The following NSD2 variants were observed in gnomAD, a reference collection of about 807,000 sequenced individuals.
NSD2 encodes the protein nuclear receptor binding SET domain protein 2.
In NSD2, 12 loss-of-function variants were observed where a neutral mutation model predicts 139.0. The ratio of observed to expected loss-of-function variants is 0.09; its 90% CI spans 0.06 to 0.14. The LOEUF (loss-of-function observed/expected upper bound fraction) is 0.14, where lower values mean the gene tolerates loss of function less well. NSD2 is among the 10% of genes least tolerant of loss of function. The pLI is 1.00. For synonymous variants in NSD2, 669 were observed against 648.7 expected (o/e 1.03, Z -0.48); for missense variants, 1,155 against 1,745.0 (o/e 0.66, Z 6.02).
At chr4:1,938,576 A>C in intron 8 of NSD2, 44 bp downstream of exon 8, 51 of 596,120 alleles carry the variant, frequency 8.6e-5, no homozygotes, top group Middle Eastern at 5.4e-4. Context: ...CTGGGTGCCC[A>C]GGCTGGGCTG....
intron 18 of NSD2, among the ~76,000 whole-genome samples, chr4:1,971,341 C>T (rs1460648547): frequency 6.6e-6 from 1 of 152,164 alleles, no homozygotes; most frequent in Admixed American, 6.5e-5. Context: ...GGATGAGATG[C>T]ACCCTAAATT....
intron 1 of NSD2, among the ~76,000 whole-genome samples, chr4:1,898,283 C>T (rs1224709505): frequency 6.6e-6 from 1 of 152,172 alleles, no homozygotes; most frequent in East Asian, 1.9e-4. Flanking sequence ...GATGGGCTCT[C>T]ACTGTCTTGC....
At chr4:1,885,091 CAA>C (rs951342308) in intron 1 of NSD2, among the ~76,000 whole-genome samples, 21 of 147,724 alleles carry the variant, frequency 1.4e-4, no homozygotes, top group Non-Finnish European at 2.2e-4. Flanking sequence ...GCCTAGGTGA[CAA>C]GAGCAAAACT....
chr4:1,947,358 A>G (rs1723739581), intron 9 of NSD2: 11 of 1,061,648 alleles, frequency 1.0e-5, no homozygotes, highest in Middle Eastern at 4.1e-4. Flanking sequence ...CTATGTGGCT[A>G]CGGCTACACA....
intron 9 of NSD2, chr4:1,944,793 C>T (rs764993331): frequency 6.7e-5 from 71 of 1,063,792 alleles, no homozygotes; most frequent in Non-Finnish European, 7.6e-5. Flanking sequence ...ATCTTTGGGC[C>T]TTTCCTCAGT....
intron 5 of NSD2, among the ~76,000 whole-genome samples, chr4:1,928,819 G>C (rs1721276170): frequency 6.6e-6 from 1 of 152,138 alleles, no homozygotes; most frequent in South Asian, 2.1e-4. Flanking sequence ...ATGTGTTGTG[G>C]ATCCGAAGCC....
At chr4:1,880,388 G>A (rs1714612764) in intron 1 of NSD2, among the ~76,000 whole-genome samples, 1 of 152,166 alleles carries the variant, frequency 6.6e-6, no homozygotes. Context: ...ACATACAGCA[G>A]TCTATATGTG....
At chr4:1,916,813 G>T in intron 3 of NSD2, 58 bp from the exon 4 acceptor site, 2 of 1,538,784 alleles carry the variant, frequency 1.3e-6, no homozygotes, top group South Asian at 2.4e-5. Flanking sequence ...CAGTAGATTT[G>T]ACTAGTTTCA....
At chr4:1,943,711 TA>T in intron 9 of NSD2, 1 of 1,051,830 alleles carries the variant, frequency 9.5e-7, no homozygotes, top group African/African-American at 1.7e-5. Flanking sequence ...AGCTCAAGAG[TA>T]AAATTAAAAT....
chr4:1,945,671 A>C (rs779270976), intron 9 of NSD2: 208 of 1,063,390 alleles, frequency 2.0e-4, no homozygotes, highest in Non-Finnish European at 2.3e-4. Flanking sequence ...AGCATTTCCA[A>C]ATGAGGGAAA....
chr4:1,932,400 C>G (rs1435925297), intron 6 of NSD2, among the ~76,000 whole-genome samples: 1 of 141,072 alleles, frequency 7.1e-6, no homozygotes, highest in South Asian at 2.2e-4. Context: ...GATCACGCCA[C>G]TGCACTCCAG....
At chr4:1,959,764 T>A (rs768205892) in intron 17 of NSD2, 24 bp downstream of exon 17, 21 of 1,602,258 alleles carry the variant, frequency 1.3e-5, no homozygotes, top group Admixed American at 3.3e-5. Context: ...TCCCCTCCCC[T>A]GCTTTTGAGA....
At chr4:1,894,673 A>AT (rs1006483780) in intron 1 of NSD2, among the ~76,000 whole-genome samples, 6 of 147,934 alleles carry the variant, frequency 4.1e-5, no homozygotes, top group Admixed American at 1.3e-4. Flanking sequence ...CCCTGTCTCA[A>AT]TAAAAAAAAA....
At chr4:1,943,043 G>T in intron 9 of NSD2, 3 of 1,050,776 alleles carry the variant, frequency 2.9e-6, no homozygotes, top group Non-Finnish European at 3.4e-6. Flanking sequence ...CCCGGACCAA[G>T]GGGATACTGT....
intron 3 of NSD2, 43 bp from the exon 4 acceptor site, chr4:1,916,828 A>G (rs745830694): frequency 1.9e-6 from 3 of 1,573,868 alleles, no homozygotes; most frequent in Non-Finnish European, 1.7e-6. Flanking sequence ...GTTTCATCCC[A>G]GATTCTAACT....
intron 9 of NSD2, chr4:1,945,469 A>C (rs1052984538): frequency 9.4e-7 from 1 of 1,063,630 alleles, no homozygotes; most frequent in African/African-American, 1.6e-5. Context: ...AAAGAAAACT[A>C]AGATTATAAA....
intron 1 of NSD2, chr4:1,893,620 T>C (rs1715843929): frequency 1.3e-5 from 2 of 151,938 alleles, no homozygotes; most frequent in South Asian, 4.2e-4. Flanking sequence ...GGTGCTTTCT[T>C]GGCTCTCTGC....
chr4:1,960,603 G>C (rs908065745), intron 17 of NSD2, among the ~76,000 whole-genome samples: 1 of 152,208 alleles, frequency 6.6e-6, no homozygotes. Context: ...CAGCACAAAA[G>C]GTTGCTTAGA....
chr4:1,970,842 C>T (rs76346200), intron 18 of NSD2, among the ~76,000 whole-genome samples: 1,815 of 152,242 alleles, frequency 0.012, 33 homozygotes, highest in African/African-American at 0.042. Context: ...CAGGACAGGA[C>T]GGAGTCCCCA....
Sources: allele counts gnomAD v4.1 joint callset (sites outside exome capture counted in the v4.1 genomes callset), GRCh38; gene constraint gnomAD v4.1.1; transcripts MANE v1.5; gene names NCBI Gene and HGNC (gene_info 2026-07-23, HGNC 2026-07-21).